The following CLTCL1 variants were observed in gnomAD, a reference collection of about 807,000 sequenced individuals.
CLTCL1 encodes clathrin heavy chain 2.
In CLTCL1, 159 loss-of-function variants were observed where a neutral mutation model predicts 190.0. The ratio of observed to expected loss-of-function variants is 0.84; its 90% confidence interval spans 0.74 to 0.95. The LOEUF (loss-of-function observed/expected upper bound fraction) is 0.95. CLTCL1 is among the 40% of genes least tolerant of loss of function. CLTCL1 has a pLI of 0.00. For missense variants in CLTCL1, 1,878 were observed against 2,033.4 expected (o/e 0.92, Z 1.47); for synonymous variants, 752 against 769.6 (o/e 0.98, Z 0.38).
chr22:19,190,334 C>T (rs180676849), intron 27 of CLTCL1, among the ~76,000 whole-genome samples: 13 of 152,284 alleles, frequency 8.5e-5, no homozygotes, highest in African/African-American at 2.2e-4. Context: ...GACCAGGGCA[C>T]GGCCAGTCAG....
chr22:19,272,699 G>A (rs2087362458), intron 2 of CLTCL1, among the ~76,000 whole-genome samples: 4 of 152,062 alleles, frequency 2.6e-5, no homozygotes, highest in Admixed American at 1.3e-4. Flanking sequence ...TCGAACTCCC[G>A]ACCTCCAGGT....
At chr22:19,265,393 A>C (rs568270194) in intron 2 of CLTCL1, among the ~76,000 whole-genome samples, 132 of 152,342 alleles carry the variant, frequency 8.7e-4, no homozygotes, top group African/African-American at 3.1e-3. Flanking sequence ...TGGATATGAT[A>C]AATATGTTGG....
In CLTCL1 at chr22:19,187,630, C is replaced by T. The variant is rs377501080; in HGVS notation, c.4533G>A (p.Ala1511=). 132 of 1,613,570 alleles carry T rather than the reference C, an allele frequency of 8.2e-5. No homozygotes were observed. The highest frequency in any genetic ancestry group is 9.8e-5 in the Non-Finnish European group (116 of 1,179,906). Residue 1511 remains alanine (A), a synonymous_variant, in exon 29 of 33, where the codon GCG becomes GCA. Coordinates refer to ENST00000427926, the MANE Select transcript of CLTCL1 (RefSeq NM_007098.4). ...AGTTATTGCCCTTGTACAGATAGGC[C>T]GCAATGCACCTGAACTCCATCAGCT... ...KHQLMEFRCI[A]AYLYKGNNWW...
In CLTCL1 at chr22:19,223,522, A is replaced by G. The variant is rs185191411; in HGVS notation, c.2292+369T>C. On this transcript the variant is annotated intron_variant, in intron 14 of 32. Transcript: ENST00000427926. ...AAGGAAAGTCACCCCACTGACCTCCAGCCTACCCTGGACTGCCACATAAGG... is the reference window on the plus strand; with the variant it reads ...AAGGAAAGTCACCCCACTGACCTCCGGCCTACCCTGGACTGCCACATAAGG... Among the ~76,000 whole-genome samples, 718 of 152,254 alleles carry G rather than the reference A, an allele frequency of 4.7e-3. 2 individuals carry two copies. Among genetic ancestry groups the G allele is most frequent in the Non-Finnish European group, 7.6e-3 (514 of 68,008 alleles).
chr22:19,263,778 T>C (rs1051298920), intron 2 of CLTCL1, among the ~76,000 whole-genome samples: 1 of 152,220 alleles, frequency 6.6e-6, no homozygotes, highest in Non-Finnish European at 1.5e-5. Context: ...TCACACTTAA[T>C]AGATTACAGC....
intron 1 of CLTCL1, among the ~76,000 whole-genome samples, chr22:19,280,394 A>T (rs1415936300): frequency 6.6e-6 from 1 of 152,164 alleles, no homozygotes; most frequent in Non-Finnish European, 1.5e-5. Flanking sequence ...TTATTAGTGT[A>T]TATCAATGGA....
chr22:19,268,549 C>T (rs2087197359), intron 2 of CLTCL1, among the ~76,000 whole-genome samples: 2 of 151,932 alleles, frequency 1.3e-5, no homozygotes, highest in Non-Finnish European at 2.9e-5. Context: ...TTTAAATAGA[C>T]ATTTCTCAGA....
intron 31 of CLTCL1, 142 bp downstream of exon 31, chr22:19,180,589 C>G: frequency 1.3e-6 from 1 of 764,112 alleles, no homozygotes; most frequent in Non-Finnish European, 2.2e-6. Flanking sequence ...CACTTCTCCA[C>G]ACCCAGTAGC....
chr22:19,282,628 C>CAA (rs1360400448), intron 1 of CLTCL1, among the ~76,000 whole-genome samples: 1 of 88,322 alleles, frequency 1.1e-5, no homozygotes, highest in Non-Finnish European at 2.3e-5. Flanking sequence ...GACTCTGTCT[C>CAA]AAAAAAAAAA....
chr22:19,186,082 G>C (rs988200642), intron 29 of CLTCL1, among the ~76,000 whole-genome samples: 3 of 152,182 alleles, frequency 2.0e-5, no homozygotes, highest in Non-Finnish European at 4.4e-5. Flanking sequence ...ACTGATGCAG[G>C]CATCAGAGGC....
chr22:19,193,303 T>C (rs148240286), intron 26 of CLTCL1, among the ~76,000 whole-genome samples: 4,683 of 152,328 alleles, frequency 0.031, 112 homozygotes, highest in Non-Finnish European at 0.043. Context: ...ATAACTGCCA[T>C]GTTCCCACCC....
intron 2 of CLTCL1, among the ~76,000 whole-genome samples, chr22:19,254,675 A>G (rs1555971679): frequency 6.6e-6 from 1 of 152,230 alleles, no homozygotes; most frequent in East Asian, 1.9e-4. Flanking sequence ...TAAATTCTAG[A>G]CCAATGCTGA....
At chr22:19,266,628 G>C (rs1325833230) in intron 2 of CLTCL1, among the ~76,000 whole-genome samples, 3 of 152,006 alleles carry the variant, frequency 2.0e-5, no homozygotes, top group Admixed American at 6.6e-5. Context: ...GAAAACTATA[G>C]ACCAATTATA....
At chr22:19,271,502 C>T (rs782602325) in intron 2 of CLTCL1, among the ~76,000 whole-genome samples, 1 of 152,142 alleles carries the variant, frequency 6.6e-6, no homozygotes, top group African/African-American at 2.4e-5. Context: ...TCTACTGCTC[C>T]GCTACGGTAA....
At chr22:19,227,212 G>T (rs1398176318) in intron 11 of CLTCL1, among the ~76,000 whole-genome samples, 2 of 151,456 alleles carry the variant, frequency 1.3e-5, no homozygotes, top group South Asian at 2.1e-4. Context: ...ACAGAACTAG[G>T]AGTTGGGGAT....
At position 19,229,959 on chromosome 22, in the gene CLTCL1, A is replaced by G. The variant is rs782773014; in HGVS notation, c.1661T>C (p.Met554Thr). ...ANISQIVDIF[M>T]ENSLIQQCTS... ...ACACTGCTGAATTAAACTGTTTTCC[A>G]TGAAAATGTCCACAATCTGAAACAT... The change falls in exon 11 of 33, where the codon ATG becomes ACG. Residue 554 changes from methionine (M) to threonine (T), a missense_variant. By Grantham distance (81) the Met-to-Thr change is moderately conservative. Coordinates refer to ENST00000427926, the MANE Select transcript of CLTCL1 (RefSeq NM_007098.4). 1.2e-6 allele frequency: 2 copies of G among 1,609,094 alleles called. No homozygotes were observed. The highest frequency in any genetic ancestry group is 1.7e-6 in the Non-Finnish European group (2 of 1,177,906).
At chr22:19,194,392 G>T (rs1005468940) in intron 26 of CLTCL1, among the ~76,000 whole-genome samples, 1 of 152,210 alleles carries the variant, frequency 6.6e-6, no homozygotes, top group Admixed American at 6.5e-5. Flanking sequence ...TGAGGCAGGA[G>T]AATCGCTCGA....
At chr22:19,289,704 G>A (rs192712509) in intron 1 of CLTCL1, among the ~76,000 whole-genome samples, 2 of 152,228 alleles carry the variant, frequency 1.3e-5, no homozygotes, top group Non-Finnish European at 2.9e-5. Flanking sequence ...GACTGAACGA[G>A]GCTCCCTTAT....
At chr22:19,277,978 TG>T (rs2087575937) in intron 1 of CLTCL1, among the ~76,000 whole-genome samples, 1 of 152,054 alleles carries the variant, frequency 6.6e-6, no homozygotes, top group African/African-American at 2.4e-5. Flanking sequence ...TTTGTTGGAG[TG>T]GCTAACAGAA....
Sources: allele counts gnomAD v4.1 joint callset (sites outside exome capture counted in the v4.1 genomes callset), GRCh38; gene constraint gnomAD v4.1.1; transcripts MANE v1.5; gene names NCBI Gene and HGNC (gene_info 2026-07-23, HGNC 2026-07-21).